MGAT4C: variants seen among roughly 807,000 people sequenced by gnomAD.
The protein encoded by MGAT4C is MGAT4 family member C, also known as alpha-1,3-mannosyl-glycoprotein 4-beta-N-acetylglucosaminyltransferase C.
In MGAT4C, 19 loss-of-function variants were observed where a neutral mutation model predicts 40.1. That is an observed-to-expected ratio of 0.47 (90% confidence interval 0.33 to 0.70). The LOEUF is 0.70. MGAT4C is among the 30% of genes least tolerant of loss of function. The pLI, the probability that MGAT4C is intolerant of heterozygous loss-of-function variation, is 0.02. For synonymous variants in MGAT4C, 181 were observed against 187.1 expected (o/e 0.97, Z 0.27); for missense variants, 491 against 563.2 (o/e 0.87, Z 1.30).
chr12:86,058,446 A>C (rs1428860901), intron 1 of MGAT4C, among the ~76,000 whole-genome samples: 1 of 152,162 alleles, frequency 6.6e-6, no homozygotes, highest in Non-Finnish European at 1.5e-5. Flanking sequence ...AGTAGTTTAT[A>C]TAATATTCAA....
intron 2 of MGAT4C, among the ~76,000 whole-genome samples, chr12:86,721,685 T>C (rs1376690375): frequency 6.6e-6 from 1 of 151,940 alleles, no homozygotes; most frequent in Non-Finnish European, 1.5e-5. Flanking sequence ...TTCTATGGGG[T>C]GGTTTATTCA....
intron 4 of MGAT4C, among the ~76,000 whole-genome samples, chr12:86,305,640 C>T (rs1953917754): frequency 1.3e-5 from 2 of 150,250 alleles, no homozygotes; most frequent in South Asian, 4.2e-4. Flanking sequence ...CCAAAATCTG[C>T]AAATGTTCAA....
chr12:86,271,981 A>G (rs1952962899), intron 4 of MGAT4C, among the ~76,000 whole-genome samples: 1 of 152,202 alleles, frequency 6.6e-6, no homozygotes, highest in East Asian at 1.9e-4. Flanking sequence ...ATGAAACTAC[A>G]GAAACTGGGA....
chr12:86,216,416 C>T (rs889375002), intron 1 of MGAT4C, among the ~76,000 whole-genome samples: 2 of 152,122 alleles, frequency 1.3e-5, no homozygotes, highest in Non-Finnish European at 2.9e-5. Context: ...ATTATTCAAA[C>T]GATGTAGCCA....
rs561585987 is a variant in MGAT4C at position 86,042,060 on chromosome 12, T to A, written c.-7+7614A>T. 4.6e-5 allele frequency among the ~76,000 whole-genome samples: 7 copies of A among 152,350 alleles called. No homozygotes were observed. In the South Asian group the frequency reaches 1.4e-3, roughly 32 times the overall value. On this transcript the variant is annotated intron_variant, in intron 2 of 4. Coordinates refer to ENST00000611864, the MANE Select transcript of MGAT4C (RefSeq NM_001351288.2). The stretch of plus-strand genomic sequence containing the variant: ...TGTTGAATTGATTCCTCTACCATTA[T>A]GTAATACGCTTCTTTGTCTTTTTTG...
At chr12:86,340,348 G>A (rs1475442444) in intron 3 of MGAT4C, among the ~76,000 whole-genome samples, 1 of 152,054 alleles carries the variant, frequency 6.6e-6, no homozygotes, top group African/African-American at 2.4e-5. Flanking sequence ...AAGACGTTTT[G>A]CATCAGATGA....
chr12:85,971,669 C>G lies in MGAT4C; in HGVS notation c.*7620G>C, dbSNP rs1231117633. 1.3e-5 allele frequency: 2 copies of G among 151,196 alleles called. No homozygotes were observed. Among genetic ancestry groups the G allele is most frequent in the Non-Finnish European group, 3.0e-5 (2 of 67,334 alleles). 9.4% of individuals were successfully genotyped at this position (151,196 alleles called of 1,614,324 possible). On this transcript the variant is annotated 3_prime_UTR_variant, in exon 5 of 5. Transcript: ENST00000611864. Reference sequence around the variant, plus strand: ...CGTACCAAAATTGTCTTTTGACCCTCTCAGGGAGTCAAGTTTTGATTTGCT... The same window carrying G: ...CGTACCAAAATTGTCTTTTGACCCTGTCAGGGAGTCAAGTTTTGATTTGCT...
intron 1 of MGAT4C, among the ~76,000 whole-genome samples, chr12:86,729,796 T>G (rs1950880082): frequency 6.6e-6 from 1 of 151,908 alleles, no homozygotes; most frequent in East Asian, 1.9e-4. Context: ...TAGATGGGAG[T>G]AGAGTATCTG....
At chr12:86,001,595 G>A in intron 2 of MGAT4C, 1 of 975,202 alleles carries the variant, frequency 1.0e-6, no homozygotes, top group Non-Finnish European at 1.2e-6. Flanking sequence ...TTGAAGCACA[G>A]TGAGGGCTGA....
intron 2 of MGAT4C, among the ~76,000 whole-genome samples, chr12:86,442,170 T>G (rs913491006): frequency 6.6e-6 from 1 of 152,214 alleles, no homozygotes; most frequent in African/African-American, 2.4e-5. Flanking sequence ...TCATATCCTT[T>G]GCCCACTTTT....
intron 2 of MGAT4C, among the ~76,000 whole-genome samples, chr12:86,463,843 T>C (rs2136297814): frequency 6.6e-6 from 1 of 152,268 alleles, no homozygotes; most frequent in East Asian, 1.9e-4. Context: ...ACTGGGGATA[T>C]TGTCTAAAAT....
At position 86,203,120 on chromosome 12, in the gene MGAT4C, T is replaced by G. The variant is rs60096238; in HGVS notation, c.-57+53119A>C. On this transcript the variant is annotated intron_variant, in intron 1 of 4. Transcript: ENST00000611864. ...GTCAATGTTATCTTAAAAGGAGAGA[T>G]AATTTCTTTCTTTATATGGTACTGG... is the stretch of plus-strand genomic sequence containing the variant. Among the ~76,000 whole-genome samples the G allele has an allele frequency of 3.1e-3, 474 of 152,134 alleles. 3 individuals carry two copies. The highest frequency in any genetic ancestry group is 0.011 in the African/African-American group (452 of 41,506).
intron 2 of MGAT4C, among the ~76,000 whole-genome samples, chr12:86,494,276 T>A (rs563478656): frequency 6.6e-6 from 1 of 152,050 alleles, no homozygotes. Flanking sequence ...TGTTACTGTT[T>A]ATATCACATT....
intron 1 of MGAT4C, among the ~76,000 whole-genome samples, chr12:86,151,230 C>T (rs548436925): frequency 4.6e-5 from 7 of 152,130 alleles, no homozygotes; most frequent in Non-Finnish European, 7.4e-5. Flanking sequence ...AGTTTGTGAG[C>T]AACCAAGACT....
chr12:86,026,293 G>T (rs59198926), intron 2 of MGAT4C, among the ~76,000 whole-genome samples: 23,994 of 151,440 alleles, frequency 0.16, 2,211 homozygotes, highest in African/African-American at 0.26. Flanking sequence ...CTATAGTTTG[G>T]TTTTTTAGGA....
chr12:86,757,561 T>A (rs1951326867), intron 1 of MGAT4C, among the ~76,000 whole-genome samples: 3 of 152,142 alleles, frequency 2.0e-5, no homozygotes, highest in Non-Finnish European at 4.4e-5. Flanking sequence ...ATGGAAAGCT[T>A]AGTCTTTTCA....
intron 1 of MGAT4C, among the ~76,000 whole-genome samples, chr12:86,117,877 A>T (rs894298356): frequency 6.6e-6 from 1 of 152,180 alleles, no homozygotes; most frequent in Non-Finnish European, 1.5e-5. Context: ...CTGCCTTGAA[A>T]TACAGGAATC....
At chr12:86,102,392 A>G (rs980788044) in intron 1 of MGAT4C, among the ~76,000 whole-genome samples, 4 of 152,084 alleles carry the variant, frequency 2.6e-5, no homozygotes, top group African/African-American at 9.7e-5. Flanking sequence ...ATGTAAAGGC[A>G]TATCATTAAT....
intron 4 of MGAT4C, among the ~76,000 whole-genome samples, chr12:86,296,282 GAGCT>G (rs1953672077): frequency 6.6e-6 from 1 of 152,016 alleles, no homozygotes; most frequent in Non-Finnish European, 1.5e-5. Context: ...TACAATCCCT[GAGCT>G]AGACATAAAA....
Sources: allele counts gnomAD v4.1 joint callset (sites outside exome capture counted in the v4.1 genomes callset), GRCh38; gene constraint gnomAD v4.1.1; transcripts MANE v1.5; gene names NCBI Gene and HGNC (gene_info 2026-07-23, HGNC 2026-07-21).